SYNM: variants seen among roughly 807,000 people sequenced by gnomAD.
The protein encoded by SYNM is synemin, also known as desmuslin.
SYNM carries 95 observed loss-of-function variants against 104.0 expected under a neutral mutation model. The ratio of observed to expected loss-of-function variants is 0.91; its 90% CI spans 0.77 to 1.08. SYNM has a LOEUF of 1.08. Among genes scored for constraint, SYNM ranks in the 50% least tolerant of loss-of-function variants. The probability of loss-of-function intolerance (pLI) is 0.00; values close to 1 mark genes in which losing one functional copy is unlikely to be tolerated. For synonymous variants in SYNM, 918 were observed against 869.0 expected, an observed-to-expected ratio of 1.06 and a Z score of -0.99; for missense variants, 2,150 against 2,052.2, an observed-to-expected ratio of 1.05 and a Z score of -0.92.
chr15:99,116,737 G>A (rs1555484012), intron 2 of SYNM, among the ~76,000 whole-genome samples: 1 of 142,868 alleles, frequency 7.0e-6, no homozygotes, highest in Non-Finnish European at 1.6e-5. Context: ...GTGCGATCTT[G>A]GCTCACTGCA....
chr15:99,130,371 G>T lies in SYNM; in HGVS notation c.2011G>T (p.Val671Leu), dbSNP rs375383176. 1 of 1,613,596 alleles carries T rather than the reference G, an allele frequency of 6.2e-7. No individual in the cohort carries two copies. Among genetic ancestry groups the T allele is most frequent in the African/African-American group, 1.3e-5 (1 of 74,932 alleles). Residue 671 changes from valine (V) to leucine (L), a missense_variant, in exon 4 of 4, where the codon GTG becomes TTG. Coordinates refer to ENST00000336292, the MANE Select transcript of SYNM (RefSeq NM_145728.3). The part of the protein sequence containing the change: ...DSFPDTKVTY[V>L]DRKELPGERK... ...TTTTCCAGACACAAAAGTCACTTAC[G>T]TGGACAGGAAAGAGCTTCCTGGGGA...
At position 99,129,453 on chromosome 15, in the gene SYNM, T is replaced by C; in HGVS notation, c.1093T>C (p.Leu365=). The C allele has an allele frequency of 6.2e-7, 1 of 1,613,980 alleles. No homozygotes were observed. Among genetic ancestry groups the C allele is most frequent in the Admixed American group, 1.7e-5 (1 of 60,026 alleles). The change falls in exon 4 of 4, where the codon TTG becomes CTG. Residue 365 remains leucine, a synonymous_variant. Coordinates refer to ENST00000336292, the MANE Select transcript of SYNM (RefSeq NM_145728.3). ...TCTATTTTCAAGGCAGAAAGCACCT[T>C]TGGCAAGTTTCAATCACAGCTCGGC... ...RNLFSRQKAP[L]ASFNHSSALY...
At position 99,131,475 on chromosome 15, in the gene SYNM, C is replaced by A. The variant is rs375867337; in HGVS notation, c.3115C>A (p.Leu1039Met). ...TGTGGAGTCGGTGGTTCGGGAGAGC[C>A]TGAGCAGGCAACGCAGCCCAGCGCC... ...KAVESVVRES[L>M]SRQRSPAPGS... Residue 1039 changes from leucine to methionine, a missense_variant, in exon 4 of 4, where the codon CTG becomes ATG. Leu to Met is a conservative substitution (Grantham distance 15). Transcript: ENST00000336292. The surrounding 1 kb of genome is among the most constrained non-coding windows in gnomAD (Gnocchi z 4.3). 1.0e-5 allele frequency: 16 copies of A among 1,606,228 alleles called. No homozygotes were observed. The highest frequency in any genetic ancestry group is 8.0e-5 in the African/African-American group (6 of 74,898).
chr15:99,139,931 T>G (rs1451655769), downstream of SYNM: 4 of 362,224 alleles, frequency 1.1e-5, no homozygotes, highest in Non-Finnish European at 2.0e-5. Context: ...ACTTTAAGTC[T>G]TGCCATTTGA....
chr15:99,132,657 G>A lies in SYNM; in HGVS notation c.4297G>A (p.Ala1433Thr). 4 of 1,614,054 alleles carry A rather than the reference G, an allele frequency of 2.5e-6. No individual in the cohort carries two copies. The highest frequency in any genetic ancestry group is 3.4e-6 in the Non-Finnish European group (4 of 1,179,914). Reference protein sequence around the residue: ...VSRTFVLAGSADSPELGKLAD... With the variant: ...VSRTFVLAGSTDSPELGKLAD... ...CAGAACATTTGTGCTTGCTGGTTCA[G>A]CGGACTCCCCTGAGCTAGGCAAGTT... The change falls in exon 4 of 4, where the codon GCG becomes ACG. Residue 1433 changes from alanine (A) to threonine (T), a missense_variant. By Grantham distance (58) the Ala-to-Thr change is moderately conservative (BLOSUM62 0). Transcript: ENST00000336292.
chr15:99,121,800 G>T (rs2067403893), intron 2 of SYNM, among the ~76,000 whole-genome samples: 1 of 152,206 alleles, frequency 6.6e-6, no homozygotes, highest in Non-Finnish European at 1.5e-5. Context: ...AGAATACCCA[G>T]GGGTAGACAG....
At chr15:99,128,004 C>CATTA (rs1200048845) in intron 3 of SYNM, among the ~76,000 whole-genome samples, 1 of 126,136 alleles carries the variant, frequency 7.9e-6, no homozygotes, top group African/African-American at 2.9e-5. Flanking sequence ...TAACTTGCTT[C>CATTA]ATTCATTCAT....
rs781960580 is a variant in SYNM at position 99,131,492 on chromosome 15, C to T, written c.3132C>T (p.Ser1044=). Residue 1044 remains serine (S), a synonymous_variant, in exon 4 of 4, where the codon AGC becomes AGT. Coordinates refer to ENST00000336292, the MANE Select transcript of SYNM (RefSeq NM_145728.3). The surrounding 1 kb of genome is among the most constrained non-coding windows in gnomAD (Gnocchi z 4.3). The part of the protein sequence containing the change: ...VVRESLSRQR[S]PAPGSPDEEG... Reference sequence around the variant, plus strand: ...GGGAGAGCCTGAGCAGGCAACGCAGCCCAGCGCCTGGCAGCCCAGATGAGG... The same window carrying T: ...GGGAGAGCCTGAGCAGGCAACGCAGTCCAGCGCCTGGCAGCCCAGATGAGG... 2.5e-6 allele frequency: 4 copies of T among 1,606,340 alleles called. No individual in the cohort carries two copies. Among genetic ancestry groups the T allele is most frequent in the Non-Finnish European group, 3.4e-6 (4 of 1,179,418 alleles).
intron 1 of SYNM, among the ~76,000 whole-genome samples, chr15:99,106,738 G>A (rs1388954902): frequency 6.6e-6 from 1 of 152,048 alleles, no homozygotes; most frequent in Non-Finnish European, 1.5e-5. Context: ...CTCTGACACC[G>A]GCGGGGTGAC....
chr15:99,133,249 A>T lies in SYNM; in HGVS notation c.*191A>T. The T allele has an allele frequency of 8.4e-7, 1 of 1,191,972 alleles. No homozygotes were observed. The highest frequency in any genetic ancestry group is 1.1e-6 in the Non-Finnish European group (1 of 889,152). 73.8% of individuals were successfully genotyped at this position (1,191,972 alleles called of 1,614,324 possible). A position where few individuals can be genotyped will look rare whatever the true frequency, so the allele number is the denominator to read the frequency against. On this transcript the variant is annotated 3_prime_UTR_variant, in exon 4 of 4. Transcript: ENST00000336292. The stretch of plus-strand genomic sequence containing the variant: ...AGGTTTCCAGTTAATTCATGCCTTA[A>T]AAGGCACTGCAATTTTATTTTTGAG...
intron 1 of SYNM, among the ~76,000 whole-genome samples, chr15:99,111,862 T>C (rs570603168): frequency 6.6e-6 from 1 of 152,314 alleles, no homozygotes; most frequent in South Asian, 2.1e-4. Context: ...CTGGCCAACG[T>C]GGTGAAACCC....
Position 99,130,473 on chromosome 15 carries a change from G to C in SYNM, c.2113G>C (p.Asp705His). ...TGATGTTTCCGATGAAGCTGGCCTGGACTACCTTTTAAGCAAGGATATTAA... is the reference window on the plus strand; with the variant it reads ...TGATGTTTCCGATGAAGCTGGCCTGCACTACCTTTTAAGCAAGGATATTAA... Reference protein sequence around the residue: ...DVDVSDEAGLDYLLSKDIKEV... With the variant: ...DVDVSDEAGLHYLLSKDIKEV... Residue 705 changes from aspartate (D) to histidine (H), a missense_variant, in exon 4 of 4, where the codon GAC (aspartate) becomes CAC (histidine). Coordinates refer to ENST00000336292, the MANE Select transcript of SYNM (RefSeq NM_145728.3). 6.2e-7 allele frequency: 1 copy of C among 1,613,890 alleles called. No homozygotes were observed. The highest frequency in any genetic ancestry group is 8.5e-7 in the Non-Finnish European group (1 of 1,179,906).
intron 2 of SYNM, among the ~76,000 whole-genome samples, chr15:99,125,383 A>G (rs1256791242): frequency 6.6e-6 from 1 of 152,164 alleles, no homozygotes; most frequent in Admixed American, 6.5e-5. Flanking sequence ...CGTGGGATTA[A>G]TGGGTTGGTG....
intron 2 of SYNM, among the ~76,000 whole-genome samples, chr15:99,119,944 G>A (rs1449223051): frequency 3.3e-5 from 5 of 152,176 alleles, no homozygotes; most frequent in Non-Finnish European, 1.5e-5. Flanking sequence ...TCCAAAGTAG[G>A]TGCCATTATC....
rs145424301 is a variant in SYNM at position 99,125,625 on chromosome 15, G to T, written c.936-1097G>T. 1.3e-3 allele frequency among the ~76,000 whole-genome samples: 192 copies of T among 152,360 alleles called. 1 individual carries two copies. The highest frequency in any genetic ancestry group is 3.9e-3 in the African/African-American group (162 of 41,590). Reference sequence around the variant, plus strand: ...ACAGATGGAAATACAACTCAGTGCAGTTTGTCCAAGCTGCCAAGTCCCTGC... The same window carrying T: ...ACAGATGGAAATACAACTCAGTGCATTTTGTCCAAGCTGCCAAGTCCCTGC... On this transcript the variant is annotated intron_variant, in intron 2 of 3. Transcript: ENST00000336292.
At chr15:99,109,846 G>C (rs568788185) in intron 1 of SYNM, among the ~76,000 whole-genome samples, 1 of 152,310 alleles carries the variant, frequency 6.6e-6, no homozygotes, top group South Asian at 2.1e-4. Flanking sequence ...GTGTGGCTAG[G>C]GCACAGTGAA....
chr15:99,108,755 G>A (rs2067272723), intron 1 of SYNM, among the ~76,000 whole-genome samples: 1 of 152,124 alleles, frequency 6.6e-6, no homozygotes, highest in African/African-American at 2.4e-5. Context: ...ATTCAACTCA[G>A]GCTCTAGTGC....
At chr15:99,127,518 A>G (rs1555485166) in intron 3 of SYNM, among the ~76,000 whole-genome samples, 1 of 152,234 alleles carries the variant, frequency 6.6e-6, no homozygotes. Context: ...TTCACACCTT[A>G]GGCAGCAGCA....
chr15:99,126,224 TTA>T (rs1390156190), intron 2 of SYNM, among the ~76,000 whole-genome samples: 1 of 152,178 alleles, frequency 6.6e-6, no homozygotes, highest in South Asian at 2.1e-4. Context: ...TCTGGCTGCC[TTA>T]TAAGTGTCAG....
Sources: allele counts gnomAD v4.1 joint callset (sites outside exome capture counted in the v4.1 genomes callset), GRCh38; gene constraint gnomAD v4.1.1; non-coding constraint Gnocchi (gnomAD v3.1); transcripts MANE v1.5; gene names NCBI Gene and HGNC (gene_info 2026-07-23, HGNC 2026-07-21).